RANBP2: variants seen among roughly 807,000 people sequenced by gnomAD.
The protein encoded by RANBP2 is RAN binding protein 2, also known as E3 SUMO-protein ligase RanBP2.
Under a neutral mutation model 303.6 loss-of-function variants are expected in RANBP2, and 57 were observed. The observed-to-expected ratio is 0.19, with a 90% CI of 0.15 to 0.23. The LOEUF is 0.23. Among genes scored for constraint, RANBP2 ranks in the 10% least tolerant of loss-of-function variants. The probability of loss-of-function intolerance (pLI) is 1.00; values close to 1 mark genes in which losing one functional copy is unlikely to be tolerated. For synonymous variants in RANBP2, 1,167 were observed against 1,301.5 expected (o/e 0.90, Z 2.23); for missense variants, 3,138 against 3,780.8 (o/e 0.83, Z 4.46).
the RANBP2 span, among the ~76,000 whole-genome samples, chr2:109,368,718 A>AAAG: frequency 6.6e-6 from 1 of 150,786 alleles, no homozygotes; most frequent in Non-Finnish European, 1.5e-5. Flanking sequence ...TAAAAAAAAA[A>AAAG]AAAAAGAAAA....
chr2:109,032,829 T>C, the RANBP2 span, among the ~76,000 whole-genome samples: 25 of 152,366 alleles, frequency 1.6e-4, no homozygotes, highest in East Asian at 4.6e-3. Context: ...AGCAATCGCC[T>C]AATTCCACAC....
chr2:108,721,452 AT>A (rs1413659093), intron 1 of RANBP2, among the ~76,000 whole-genome samples: 2 of 151,684 alleles, frequency 1.3e-5, no homozygotes, highest in East Asian at 1.9e-4. Flanking sequence ...GTGTTATTTT[AT>A]TTTTTTTGAG....
chr2:108,787,876 T>A (rs1025014373), downstream of RANBP2: 1 of 252,504 alleles, frequency 4.0e-6, no homozygotes, highest in African/African-American at 2.3e-5. Context: ...TTTGTCACAT[T>A]ATTGATGATA....
chr2:108,911,132 C>A, the RANBP2 span: 1 of 1,607,264 alleles, frequency 6.2e-7, no homozygotes, highest in African/African-American at 1.3e-5. Context: ...GGTCTTCCCT[C>A]CAGGACTCCG....
chr2:108,793,043 G>A, the RANBP2 span, among the ~76,000 whole-genome samples: 1 of 147,982 alleles, frequency 6.8e-6, no homozygotes, highest in African/African-American at 2.5e-5. Context: ...CAGTCTGGGC[G>A]ACAGAGAGAC....
chr2:108,878,234 T>C, the RANBP2 span: 3 of 152,462 alleles, frequency 2.0e-5, no homozygotes, highest in African/African-American at 7.2e-5. Context: ...AAAGGATAAA[T>C]AATGGAAAAA....
the RANBP2 span, among the ~76,000 whole-genome samples, chr2:109,090,133 G>T: frequency 6.6e-6 from 1 of 152,084 alleles, no homozygotes; most frequent in East Asian, 1.9e-4. Flanking sequence ...GAGGAAATGC[G>T]CAGAGGAGTG....
At chr2:109,555,631 G>A in the RANBP2 span, among the ~76,000 whole-genome samples, 1 of 152,186 alleles carries the variant, frequency 6.6e-6, no homozygotes, top group Admixed American at 6.5e-5. Context: ...CACGACCCAG[G>A]CACAAGTGTT....
the RANBP2 span, among the ~76,000 whole-genome samples, chr2:108,899,561 T>G: frequency 6.6e-6 from 1 of 152,246 alleles, no homozygotes; most frequent in Non-Finnish European, 1.5e-5. Flanking sequence ...TGAATTACAT[T>G]AGGCAGTTGA....
chr2:109,282,790 A>G, the RANBP2 span, among the ~76,000 whole-genome samples: 2 of 152,192 alleles, frequency 1.3e-5, no homozygotes, highest in Non-Finnish European at 2.9e-5. Flanking sequence ...ACCAGGAGGT[A>G]GACCATGTCT....
chr2:108,780,716 T>TG (rs1200218317), intron 25 of RANBP2, among the ~76,000 whole-genome samples: 1 of 144,340 alleles, frequency 6.9e-6, no homozygotes, highest in Non-Finnish European at 1.5e-5. Context: ...TCTTTCTTTC[T>TG]TTTTTTTTTT....
rs34554578 is a variant in RANBP2, at chr2:108,727,603, A to AT, written c.73-1509dup. Among the ~76,000 whole-genome samples the AT allele has an allele frequency of 5.7e-3, 687 of 119,716 alleles. 9 individuals carry two copies. Among genetic ancestry groups the AT allele is most frequent in the South Asian group, 0.03 (110 of 3,698 alleles). The allele number at this position is 119,716 out of a possible 152,430, so 78.5% of individuals were successfully genotyped here. A position where few individuals can be genotyped will look rare whatever the true frequency, so the allele number is the denominator to read the frequency against. Reference sequence around the variant, plus strand: ...TGGAACATACTCTGGTTGTATCAGCATTTTTTTTTTTTTTTTTTTTGAGAT... The same window carrying AT: ...TGGAACATACTCTGGTTGTATCAGCATTTTTTTTTTTTTTTTTTTTTGAGAT... On this transcript the variant is annotated intron_variant, in intron 1 of 28. Coordinates refer to ENST00000283195, the MANE Select transcript of RANBP2 (RefSeq NM_006267.5).
At chr2:109,698,927 A>C in the RANBP2 span, among the ~76,000 whole-genome samples, 1 of 152,218 alleles carries the variant, frequency 6.6e-6, no homozygotes, top group African/African-American at 2.4e-5. Context: ...CGTCTCAAAA[A>C]GAAAGAAAGA....
chr2:108,742,630 TAGAC>T (rs1471978329), intron 7 of RANBP2, among the ~76,000 whole-genome samples: 62 of 152,260 alleles, frequency 4.1e-4, no homozygotes, highest in Admixed American at 3.8e-3. Flanking sequence ...ACACCGTTGA[TAGAC>T]AGTTCACATG....
the RANBP2 span, among the ~76,000 whole-genome samples, chr2:109,282,113 G>A: frequency 6.6e-6 from 1 of 152,146 alleles, no homozygotes; most frequent in African/African-American, 2.4e-5. Context: ...CTGGCTCAGG[G>A]AAGGTGGGCT....
chr2:109,206,295 C>T, the RANBP2 span, among the ~76,000 whole-genome samples: 1 of 151,698 alleles, frequency 6.6e-6, no homozygotes, highest in Non-Finnish European at 1.5e-5. Flanking sequence ...TTGAGACCAT[C>T]CTGGCTAACA....
the RANBP2 span, among the ~76,000 whole-genome samples, chr2:109,202,363 C>T: frequency 3.3e-5 from 5 of 152,200 alleles, no homozygotes; most frequent in Non-Finnish European, 7.3e-5. Flanking sequence ...GGGCTTTCCA[C>T]TCTCTGTTTG....
intron 23 of RANBP2, among the ~76,000 whole-genome samples, chr2:108,775,526 T>C (rs904656589): frequency 2.0e-5 from 3 of 152,214 alleles, no homozygotes; most frequent in Non-Finnish European, 4.4e-5. Flanking sequence ...CCTGTTTTTA[T>C]CCACCTTTCT....
At chr2:109,624,248 C>T in the RANBP2 span, among the ~76,000 whole-genome samples, 2 of 152,154 alleles carry the variant, frequency 1.3e-5, no homozygotes, top group Non-Finnish European at 2.9e-5. Flanking sequence ...TCTGGCAGAG[C>T]GCTTTGAAAG....
Sources: gnomAD v4.1 joint callset for allele counts (sites outside exome capture counted in the v4.1 genomes callset) on GRCh38, gnomAD v4.1.1 for gene constraint, MANE v1.5 for transcripts, NCBI Gene and HGNC (gene_info 2026-07-23, HGNC 2026-07-21) for gene names.